The following PALMD variants were observed in gnomAD, a reference collection of about 807,000 sequenced individuals.
PALMD encodes paralemmin-like protein.
A neutral mutation model predicts 56.2 loss-of-function variants in PALMD; 42 were observed. That is an observed-to-expected ratio of 0.75 (90% CI 0.58 to 0.97). The LOEUF is 0.97. Among genes scored for constraint, PALMD ranks in the 50% least tolerant of loss-of-function variants. The probability of loss-of-function intolerance (pLI) is 0.00; values close to 1 mark genes in which losing one functional copy is unlikely to be tolerated. For synonymous variants in PALMD, 242 were observed against 222.9 expected, an observed-to-expected ratio of 1.09 and a Z score of -0.76; for missense variants, 660 against 643.8, an observed-to-expected ratio of 1.03 and a Z score of -0.27.
In PALMD at chr1:99,694,020, T is replaced by G; in HGVS notation, c.1614T>G (p.Ala538=). Residue 538 remains alanine, a splice_region_variant and synonymous_variant, in exon 8 of 8, where the codon GCT becomes GCG. Transcript: ENST00000263174. ...GDGTEDPSLT[A]LRMRMAKLGK... is the part of the protein sequence containing the mutation. ...TCTTTTTTTTTCTTTAATTTGCAGC[T>G]TTAAGGATGAGAATGGCAAAGCTGG... 1 of 1,600,930 alleles carries G rather than the reference T, an allele frequency of 6.2e-7. No individual in the cohort carries two copies. The highest frequency in any genetic ancestry group is 8.5e-7 in the Non-Finnish European group (1 of 1,170,642).
At chr1:99,667,862 C>A in intron 3 of PALMD, 96 bp downstream of exon 3, 187 of 1,012,732 alleles carry the variant, frequency 1.8e-4, no homozygotes, top group Non-Finnish European at 2.5e-4. Context: ...GGGGCATAAT[C>A]AAATCTTCCA....
At position 99,683,006 on chromosome 1, in the gene PALMD, C is replaced by G. The variant is rs567599099; in HGVS notation, c.252-3670C>G. On this transcript the variant is annotated intron_variant, in intron 3 of 7. Coordinates refer to ENST00000263174, the MANE Select transcript of PALMD (RefSeq NM_017734.5). Reference sequence around the variant, plus strand: ...GGGTGACAGAGCAAGACTCTGTCTCCAAAAAGAAAGAAGGAAAGAAAGAAA... The same window carrying G: ...GGGTGACAGAGCAAGACTCTGTCTCGAAAAAGAAAGAAGGAAAGAAAGAAA... Among the ~76,000 whole-genome samples, 274 of 109,228 alleles carry G rather than the reference C, an allele frequency of 2.5e-3. 19 individuals are homozygous for G. Among genetic ancestry groups the G allele is most frequent in the African/African-American group, 0.011 (229 of 21,054 alleles). 71.7% of individuals were successfully genotyped at this position (109,228 alleles called of 152,430 possible).
At position 99,689,032 on chromosome 1, in the gene PALMD, C is replaced by T; in HGVS notation, c.772C>T (p.His258Tyr). ...AAACTCTAAATCCCCAACAGAGTAT[C>T]ATGAGCCTGTATATGCCAATCCCTT... ...ERNSKSPTEY[H>Y]EPVYANPFYR... is the part of the protein sequence containing the mutation. Residue 258 changes from histidine (H) to tyrosine (Y), a missense_variant, in exon 7 of 8, where the codon CAT (histidine) becomes TAT (tyrosine). His to Tyr is a moderately conservative substitution (Grantham distance 83, BLOSUM62 2). Coordinates refer to ENST00000263174, the MANE Select transcript of PALMD (RefSeq NM_017734.5). 1 of 1,613,764 alleles carries T rather than the reference C, an allele frequency of 6.2e-7. No individual in the cohort carries two copies. The highest frequency in any genetic ancestry group is 8.5e-7 in the Non-Finnish European group (1 of 1,179,816).
intron 7 of PALMD, among the ~76,000 whole-genome samples, chr1:99,691,568 C>G (rs1342277469): frequency 6.6e-6 from 1 of 152,160 alleles, no homozygotes; most frequent in Non-Finnish European, 1.5e-5. Context: ...ATTCGGCATA[C>G]AGACTACAGA....
intron 2 of PALMD, among the ~76,000 whole-genome samples, chr1:99,663,970 G>T (rs1390597848): frequency 1.3e-5 from 2 of 152,120 alleles, no homozygotes; most frequent in African/African-American, 4.8e-5. Context: ...GTTTTGGACT[G>T]CCATATACAG....
rs568160492 is a variant in PALMD at position 99,667,207 on chromosome 1, G to C, written c.127-435G>C. 2.0e-5 allele frequency among the ~76,000 whole-genome samples: 3 copies of C among 152,222 alleles called. No individual in the cohort carries two copies. The South Asian group carries it at 6.2e-4, about 32-fold the overall frequency. On this transcript the variant is annotated intron_variant, in intron 2 of 7. Transcript: ENST00000263174. ...TCTCACCAGGGGGAATATCAAAATA[G>C]CTTCAAGAAGCTTTTGACTTTGTTT...
chr1:99,662,284 T>G (rs1194485674), intron 1 of PALMD, 35 bp from the exon 2 acceptor site: 3 of 1,155,852 alleles, frequency 2.6e-6, no homozygotes, highest in Non-Finnish European at 1.3e-6. Context: ...AAGCAAATTT[T>G]AAAAATAAAA....
intron 3 of PALMD, among the ~76,000 whole-genome samples, chr1:99,673,271 AT>A (rs55840341): frequency 0.044 from 6,655 of 152,258 alleles, 204 homozygotes; most frequent in Middle Eastern, 0.089. Context: ...TCTTATTATT[AT>A]TTCCATCCAA....
intron 3 of PALMD, among the ~76,000 whole-genome samples, chr1:99,683,082 GAGAGAGAGAAAGAAAGAAAGAA>G (rs1228793120): frequency 0.018 from 362 of 19,752 alleles, 1 homozygote; most frequent in Middle Eastern, 0.042. Context: ...GAGAGAGAGA[GAGAGAGAGAAAGAAAGAAAGAA>G]AGAAAGAAAG....
intron 1 of PALMD, among the ~76,000 whole-genome samples, chr1:99,652,686 AAAGGAAAG>A (rs1557666484): frequency 0.02 from 2,025 of 100,176 alleles, 19 homozygotes; most frequent in East Asian, 0.062. Context: ...AAAGGAAAGG[AAAGGAAAG>A]GAAAAGAAAA....
In PALMD at chr1:99,693,996, CTTTT is replaced by C; in HGVS notation, c.1613-17_1613-14del. Reference sequence around the variant, plus strand: ...AATTGAGGATTTTTTTTATAACTCTCTTTTTTTTTCTTTAATTTGCAGCTTTAAG... The same window carrying C: ...AATTGAGGATTTTTTTTATAACTCTCTTTTTCTTTAATTTGCAGCTTTAAG... On this transcript the variant is annotated intron_variant, in intron 7 of 7. Coordinates refer to ENST00000263174, the MANE Select transcript of PALMD (RefSeq NM_017734.5). 1 of 1,529,706 alleles carries C rather than the reference CTTTT, an allele frequency of 6.5e-7. No homozygotes were observed. Among genetic ancestry groups the C allele is most frequent in the Non-Finnish European group, 8.9e-7 (1 of 1,120,180 alleles). The allele number at this position is 1,529,706 out of a possible 1,614,324, so 94.8% of individuals were successfully genotyped here. A position where few individuals can be genotyped will look rare whatever the true frequency, so the allele number is the denominator to read the frequency against.
Position 99,646,448 on chromosome 1 carries a change from C to T in PALMD, c.45+86C>T, listed in dbSNP as rs926760611. The T allele has an allele frequency of 3.0e-6, 3 of 987,670 alleles. No homozygotes were observed. The Admixed American group carries it at 5.2e-5, about 17-fold the overall frequency. The allele number at this position is 987,670 out of a possible 1,614,324, so 61.2% of individuals were successfully genotyped here. ...CCGGCTGCCCCTGTCGCTGAGCCCT[C>T]GCAAGTGGAAAAACAGAACTGTCAG... On this transcript the variant is annotated intron_variant, in intron 1 of 7. Transcript: ENST00000263174.
At chr1:99,675,599 T>G (rs1364605831) in intron 3 of PALMD, among the ~76,000 whole-genome samples, 1 of 152,178 alleles carries the variant, frequency 6.6e-6, no homozygotes, top group Non-Finnish European at 1.5e-5. Flanking sequence ...CACACACACC[T>G]AGTTTCTGTC....
At chr1:99,681,099 GTATATA>G (rs372930321) in intron 3 of PALMD, among the ~76,000 whole-genome samples, 1 of 59,764 alleles carries the variant, frequency 1.7e-5, no homozygotes, top group African/African-American at 7.1e-5. Context: ...ATATGTGTGT[GTATATA>G]TGTGTGTGTG....
At position 99,660,932 on chromosome 1, in the gene PALMD, C is replaced by T. The variant is rs557540836; in HGVS notation, c.46-1387C>T. On this transcript the variant is annotated intron_variant, in intron 1 of 7. Coordinates refer to ENST00000263174, the MANE Select transcript of PALMD (RefSeq NM_017734.5). ...TAAGCTGATGAAGTCATATATTCTCCTTACATGCAAAGAGAAACACAGCAT... is the reference window on the plus strand; with the variant it reads ...TAAGCTGATGAAGTCATATATTCTCTTTACATGCAAAGAGAAACACAGCAT... Among the ~76,000 whole-genome samples, 5 of 152,236 alleles carry T rather than the reference C, an allele frequency of 3.3e-5. No individual in the cohort carries two copies. In the South Asian group the frequency reaches 8.3e-4, roughly 25 times the overall value.
intron 1 of PALMD, among the ~76,000 whole-genome samples, chr1:99,657,799 T>C (rs143267011): frequency 6.1e-4 from 93 of 152,280 alleles, no homozygotes; most frequent in Middle Eastern, 3.4e-3. Flanking sequence ...CCCACATTTT[T>C]TAGAATTTGT....
intron 3 of PALMD, among the ~76,000 whole-genome samples, chr1:99,672,857 ATT>A (rs553244092): frequency 6.6e-6 from 1 of 150,446 alleles, no homozygotes; most frequent in Non-Finnish European, 1.5e-5. Context: ...TCTAGCACGG[ATT>A]TTTTTTTTAA....
Position 99,694,457 on chromosome 1 carries a change from A to G in PALMD, c.*395A>G. On this transcript the variant is annotated 3_prime_UTR_variant, in exon 8 of 8. Transcript: ENST00000263174. ...TCATAGGAAAGCATTGCCCTTCATCACAGAAGTATTCAACTCTGACAAATA... is the reference window on the plus strand; with the variant it reads ...TCATAGGAAAGCATTGCCCTTCATCGCAGAAGTATTCAACTCTGACAAATA... The G allele has an allele frequency of 6.2e-6, 1 of 160,752 alleles. No individual in the cohort carries two copies. Among genetic ancestry groups the G allele is most frequent in the East Asian group, 1.8e-4 (1 of 5,456 alleles). The allele number at this position is 160,752 out of a possible 1,614,324, so 10.0% of individuals were successfully genotyped here. A position where few individuals can be genotyped will look rare whatever the true frequency, so the allele number is the denominator to read the frequency against.
At chr1:99,646,400 A>G (rs834997) in intron 1 of PALMD, 38 bp downstream of exon 1, 454,039 of 1,547,632 alleles carry the variant, frequency 0.29, 70,266 homozygotes, top group African/African-American at 0.38. Context: ...TAACGTTGTT[A>G]CTTAGAGGAA....
Sources: allele counts gnomAD v4.1 joint callset (sites outside exome capture counted in the v4.1 genomes callset), GRCh38; gene constraint gnomAD v4.1.1; transcripts MANE v1.5; gene names NCBI Gene and HGNC (gene_info 2026-07-23, HGNC 2026-07-21).